The following STRN3 variants were observed in gnomAD, a reference collection of about 807,000 sequenced individuals.
STRN3 encodes striatin 3.
Under a neutral mutation model 95.6 loss-of-function variants are expected in STRN3, and 29 were observed. That is an observed-to-expected ratio of 0.30 (90% CI 0.23 to 0.41). STRN3 has a LOEUF of 0.41. Among genes scored for constraint, STRN3 ranks in the 10% least tolerant of loss-of-function variants. The pLI is 1.00. For synonymous variants in STRN3, 331 were observed against 357.6 expected (o/e 0.93, Z 0.84); for missense variants, 890 against 972.1 (o/e 0.92, Z 1.12).
intron 1 of STRN3, among the ~76,000 whole-genome samples, chr14:30,987,332 C>T (rs912476596): frequency 6.6e-6 from 1 of 151,952 alleles, no homozygotes; most frequent in Non-Finnish European, 1.5e-5. Flanking sequence ...ATGGTGAAAC[C>T]CCATCTCTAC....
intron 1 of STRN3, among the ~76,000 whole-genome samples, chr14:30,977,600 A>G (rs530963155): frequency 6.6e-6 from 1 of 151,442 alleles, no homozygotes; most frequent in South Asian, 2.1e-4. Context: ...CCTGGACAAC[A>G]TGGTGAAACC....
chr14:31,024,505 T>C (rs758461802), intron 1 of STRN3, among the ~76,000 whole-genome samples: 13 of 152,212 alleles, frequency 8.5e-5, no homozygotes, highest in Admixed American at 3.3e-4. Flanking sequence ...CAAAACACAA[T>C]TGTAAAGCAC....
intron 1 of STRN3, among the ~76,000 whole-genome samples, chr14:30,982,277 C>A (rs1255120539): frequency 3.3e-5 from 5 of 151,992 alleles, no homozygotes; most frequent in African/African-American, 1.2e-4. Flanking sequence ...TTTTACATGG[C>A]AACAGGTGGT....
chr14:30,918,521 A>G (rs1896797667), intron 9 of STRN3, among the ~76,000 whole-genome samples: 2 of 87,414 alleles, frequency 2.3e-5, no homozygotes, highest in Admixed American at 2.1e-4. Flanking sequence ...GGAAAAAAAA[A>G]GAAAAAAAAA....
intron 1 of STRN3, among the ~76,000 whole-genome samples, chr14:31,012,371 G>C (rs1883008652): frequency 6.6e-6 from 1 of 152,150 alleles, no homozygotes; most frequent in South Asian, 2.1e-4. Context: ...ATGAAATAAA[G>C]TGTCACACAA....
intron 1 of STRN3, among the ~76,000 whole-genome samples, chr14:31,001,768 G>A (rs577626680): frequency 1.3e-5 from 2 of 152,312 alleles, no homozygotes; most frequent in Admixed American, 6.5e-5. Flanking sequence ...TCTGTTATCT[G>A]TTATGAATGG....
intron 1 of STRN3, chr14:31,014,838 T>G (rs1254732925): frequency 4.9e-6 from 2 of 408,334 alleles, no homozygotes; most frequent in Non-Finnish European, 9.4e-6. Flanking sequence ...AAACAGGGTC[T>G]CACTCTGTTG....
At chr14:30,992,825 G>T (rs547007923) in intron 1 of STRN3, among the ~76,000 whole-genome samples, 1 of 151,984 alleles carries the variant, frequency 6.6e-6, no homozygotes, top group Admixed American at 6.6e-5. Flanking sequence ...AGCAGCCTGG[G>T]CAACAGCCAG....
rs71112350 is a variant in STRN3 at position 30,902,171 on chromosome 14, C to CA, written c.2137+364dup. ...GGGCAACAAGAGCAAAACTCCGCCT[C>CA]AAAAAAAAAAAAAAAAAAAAAAAAA... On this transcript the variant is annotated intron_variant, in intron 16 of 17. Coordinates refer to ENST00000357479, the MANE Select transcript of STRN3 (RefSeq NM_001083893.2). Among the ~76,000 whole-genome samples, 234 of 39,850 alleles carry CA rather than the reference C, an allele frequency of 5.9e-3. 25 individuals carry two copies. Among genetic ancestry groups the CA allele is most frequent in the South Asian group, 8.9e-3 (5 of 562 alleles). 26.1% of individuals were successfully genotyped at this position (39,850 alleles called of 152,430 possible).
intron 7 of STRN3, 77 bp from the exon 8 acceptor site, chr14:30,929,388 T>C (rs1878366437): frequency 9.3e-7 from 1 of 1,074,588 alleles, no homozygotes; most frequent in Non-Finnish European, 1.4e-6. Flanking sequence ...CTGTTATAGC[T>C]TTACATAATC....
At chr14:30,918,422 T>C (rs1896794243) in intron 9 of STRN3, among the ~76,000 whole-genome samples, 1 of 151,566 alleles carries the variant, frequency 6.6e-6, no homozygotes, top group African/African-American at 2.4e-5. Context: ...GGCAGGAGAC[T>C]CGCTTGACCC....
rs998744335 is a variant in STRN3, at chr14:31,002,605, C to T, written c.282+23299G>A. On this transcript the variant is annotated intron_variant, in intron 1 of 17. Transcript: ENST00000357479. ...ACAGTGAGCCAAGATCACGCCACTGCACTTCAGTCTGGACAACAGGGCAAG... is the reference window on the plus strand; with the variant it reads ...ACAGTGAGCCAAGATCACGCCACTGTACTTCAGTCTGGACAACAGGGCAAG... Among the ~76,000 whole-genome samples the T allele has an allele frequency of 2.7e-5, 4 of 150,338 alleles. No homozygotes were observed. The East Asian group carries it at 7.8e-4, about 29-fold the overall frequency.
intron 1 of STRN3, among the ~76,000 whole-genome samples, chr14:30,976,793 G>A (rs1566470172): frequency 1.8e-4 from 27 of 152,200 alleles, no homozygotes. Context: ...ATCAGGATAA[G>A]TTTTAAAATA....
At chr14:30,984,466 G>A (rs1356237105) in intron 1 of STRN3, among the ~76,000 whole-genome samples, 1 of 151,530 alleles carries the variant, frequency 6.6e-6, no homozygotes, top group African/African-American at 2.4e-5. Flanking sequence ...AAATATCTAG[G>A]GAAAAAATTA....
intron 1 of STRN3, among the ~76,000 whole-genome samples, chr14:30,978,347 C>A (rs936585065): frequency 1.3e-5 from 2 of 151,830 alleles, no homozygotes; most frequent in African/African-American, 2.4e-5. Context: ...TAATATAACG[C>A]ATCATTAATT....
intron 8 of STRN3, among the ~76,000 whole-genome samples, chr14:30,922,841 G>A (rs537258306): frequency 1.9e-5 from 2 of 106,944 alleles, no homozygotes; most frequent in African/African-American, 6.7e-5. Flanking sequence ...GTGACTCTTC[G>A]GTTTTAAAAA....
intron 1 of STRN3, among the ~76,000 whole-genome samples, chr14:30,957,378 AG>A (rs1446730216): frequency 7.2e-6 from 1 of 138,716 alleles, no homozygotes; most frequent in Non-Finnish European, 1.5e-5. Context: ...GCGTGAACCC[AG>A]GAAGTGGAGC....
chr14:30,990,393 C>G (rs1406583816), intron 1 of STRN3, among the ~76,000 whole-genome samples: 1 of 151,914 alleles, frequency 6.6e-6, no homozygotes, highest in East Asian at 1.9e-4. Context: ...TGGTCTCGAT[C>G]TCCTGATCTC....
intron 8 of STRN3, 129 bp downstream of exon 8, chr14:30,929,072 A>T: frequency 1.6e-6 from 1 of 634,828 alleles, no homozygotes; most frequent in Non-Finnish European, 2.6e-6. Flanking sequence ...ATTATACAAC[A>T]GACAAAGTTT....
Sources: gnomAD v4.1 joint callset for allele counts (sites outside exome capture counted in the v4.1 genomes callset) on GRCh38, gnomAD v4.1.1 for gene constraint, MANE v1.5 for transcripts, NCBI Gene and HGNC (gene_info 2026-07-23, HGNC 2026-07-21) for gene names.